Variants in MYH10 observed in about 807,000 individuals in gnomAD.
The protein encoded by MYH10 is myosin heavy chain 10, also known as myosin-10.
A neutral mutation model predicts 257.8 loss-of-function variants in MYH10; 55 were observed. That is an observed-to-expected ratio of 0.21 (90% CI 0.17 to 0.27). The LOEUF (loss-of-function observed/expected upper bound fraction) is 0.27. Ranked by LOEUF, MYH10 falls within the 10% of genes least tolerant of loss-of-function variation. The pLI, the probability that MYH10 is intolerant of heterozygous loss-of-function variation, is 1.00. For missense variants in MYH10, 1,631 were observed against 2,500.6 expected (o/e 0.65, Z 7.42); for synonymous variants, 854 against 921.7 (o/e 0.93, Z 1.33).
chr17:8,482,407 T>C (rs1006742634), intron 37 of MYH10, among the ~76,000 whole-genome samples: 1 of 152,190 alleles, frequency 6.6e-6, no homozygotes, highest in African/African-American at 2.4e-5. Flanking sequence ...TAGCACATCC[T>C]GGCACACAGG....
In MYH10 at chr17:8,607,069, G is replaced by A. The variant is rs143244470; in HGVS notation, c.346-2087C>T. On this transcript the variant is annotated intron_variant, in intron 2 of 42. Coordinates refer to ENST00000360416, the MANE Select transcript of MYH10 (RefSeq NM_001256012.3). ...CTTTATTAAGGCTGAGAAAAACAAA[G>A]GAGAGGCAACCTCAATACCTTTTTA... 5.4e-3 allele frequency among the ~76,000 whole-genome samples: 824 copies of A among 152,278 alleles called. 3 individuals are homozygous for A. The highest frequency in any genetic ancestry group is 6.6e-3 in the Non-Finnish European group (451 of 68,024).
chr17:8,535,450 C>T lies in MYH10; in HGVS notation c.1831G>A (p.Asp611Asn). The T allele has an allele frequency of 6.2e-7, 1 of 1,614,084 alleles. No individual in the cohort carries two copies. The highest frequency in any genetic ancestry group is 1.3e-5 in the African/African-American group (1 of 75,036). The change falls in exon 16 of 43, where the codon GAC becomes AAC. Residue 611 changes from aspartate (D) to asparagine (N), a missense_variant. Coordinates refer to ENST00000360416, the MANE Select transcript of MYH10 (RefSeq NM_001256012.3). This position sits in a 1 kb window ranked among gnomAD's most constrained non-coding sequence, Gnocchi z 4.3. ...WLMKNMDPLN[D>N]NVATLLHQSS... ...TGGTGCAAAAGGGTGGCCACGTTGT[C>T]ATTCAGGGGGTCCATATTCTTCATC...
rs146387994 is a variant in MYH10, at chr17:8,475,687, A to C, written c.*117T>G. The C allele has an allele frequency of 0.014, 17,265 of 1,256,946 alleles. 161 individuals carry two copies. The highest frequency in any genetic ancestry group is 0.017 in the Non-Finnish European group (15,230 of 893,808). The allele number at this position is 1,256,946 out of a possible 1,614,324, so 77.9% of individuals were successfully genotyped here. ...TATGCATAGGCTGGAGAGCCTTAAGACACAGTTGATCTTTCAGGAAGGAAT... is the reference window on the plus strand; with the variant it reads ...TATGCATAGGCTGGAGAGCCTTAAGCCACAGTTGATCTTTCAGGAAGGAAT... On this transcript the variant is annotated 3_prime_UTR_variant, in exon 43 of 43. Transcript: ENST00000360416.
At chr17:8,578,650 C>A (rs759289903) in intron 4 of MYH10, among the ~76,000 whole-genome samples, 9 of 152,156 alleles carry the variant, frequency 5.9e-5, no homozygotes, top group Non-Finnish European at 1.3e-4. Flanking sequence ...ACAAGCAAGG[C>A]TGGCACATTT....
intron 24 of MYH10, among the ~76,000 whole-genome samples, chr17:8,512,190 A>T (rs1269024872): frequency 6.6e-6 from 1 of 152,228 alleles, no homozygotes; most frequent in Non-Finnish European, 1.5e-5. Context: ...GAGGTTTGCG[A>T]CTGTGAATCT....
intron 14 of MYH10, among the ~76,000 whole-genome samples, chr17:8,541,236 T>C (rs1488380266): frequency 1.3e-5 from 2 of 152,186 alleles, no homozygotes; most frequent in Non-Finnish European, 2.9e-5. Context: ...AACCAGAGAT[T>C]GAGCAGCAAG....
intron 9 of MYH10, among the ~76,000 whole-genome samples, chr17:8,550,780 A>G (rs1323333429): frequency 6.6e-6 from 1 of 151,850 alleles, no homozygotes; most frequent in Non-Finnish European, 1.5e-5. Context: ...GAGACTTTTC[A>G]TTTTGTTCTG....
In MYH10 at chr17:8,487,612, G is replaced by C; in HGVS notation, c.4885-18C>G. On this transcript the variant is annotated intron_variant, in intron 35 of 42. Coordinates refer to ENST00000360416, the MANE Select transcript of MYH10 (RefSeq NM_001256012.3). The stretch of plus-strand genomic sequence containing the variant: ...TCCCGCACCTAATGGACAACATCGG[G>C]TTATGCTGGGTTACATCCAAGTATC... 6.2e-7 allele frequency: 1 copy of C among 1,613,830 alleles called. No homozygotes were observed. Among genetic ancestry groups the C allele is most frequent in the African/African-American group, 1.3e-5 (1 of 75,034 alleles).
chr17:8,601,429 G>A (rs1005194123), intron 3 of MYH10, among the ~76,000 whole-genome samples: 13 of 152,202 alleles, frequency 8.5e-5, no homozygotes, highest in Admixed American at 7.2e-4. Context: ...TATGCAAGAT[G>A]AAGCGTATCT....
chr17:8,522,220 A>G lies in MYH10; in HGVS notation c.1958-935T>C, dbSNP rs564309991. Among the ~76,000 whole-genome samples, 4 of 152,322 alleles carry G rather than the reference A, an allele frequency of 2.6e-5. No homozygotes were observed. In the East Asian group the frequency reaches 7.7e-4, roughly 29 times the overall value. On this transcript the variant is annotated intron_variant, in intron 17 of 42. Transcript: ENST00000360416. ...CCTCCTCAACCCTAATGGACACCTC[A>G]TTTCTTTCATTTGTTTCCTTTGACA...
chr17:8,592,933 CTATATATATATATATATATATATATATA>C (rs71159601), intron 3 of MYH10, among the ~76,000 whole-genome samples: 1 of 44,712 alleles, frequency 2.2e-5, no homozygotes, highest in South Asian at 1.2e-3. Flanking sequence ...TCAAATCCAG[CTATATATATATATATATATATATATATA>C]TATATATATA....
intron 28 of MYH10, among the ~76,000 whole-genome samples, chr17:8,502,888 G>A (rs1360405626): frequency 1.3e-5 from 2 of 152,332 alleles, no homozygotes; most frequent in East Asian, 1.9e-4. Flanking sequence ...TGGGAGTGGA[G>A]AGTTCAGCCA....
At chr17:8,515,783 A>AT (rs1186073652) in intron 21 of MYH10, among the ~76,000 whole-genome samples, 1 of 151,946 alleles carries the variant, frequency 6.6e-6, no homozygotes, top group African/African-American at 2.4e-5. Context: ...ACCTCAAGTG[A>AT]TCCCCCCGCC....
chr17:8,606,983 G>A (rs1441154023), intron 2 of MYH10, among the ~76,000 whole-genome samples: 2 of 152,136 alleles, frequency 1.3e-5, no homozygotes, highest in African/African-American at 4.8e-5. Context: ...TGTCTATCTA[G>A]TCCCGTATTT....
In MYH10 at chr17:8,474,930, G is replaced by A. The variant is rs1912256050; in HGVS notation, c.*874C>T. 1 of 152,692 alleles carries A rather than the reference G, an allele frequency of 6.5e-6. No homozygotes were observed. The highest frequency in any genetic ancestry group is 1.5e-5 in the Non-Finnish European group (1 of 68,082). 9.5% of individuals were successfully genotyped at this position (152,692 alleles called of 1,614,324 possible). A position where few individuals can be genotyped will look rare whatever the true frequency, so the allele number is the denominator to read the frequency against. On this transcript the variant is annotated 3_prime_UTR_variant, in exon 43 of 43. Coordinates refer to ENST00000360416, the MANE Select transcript of MYH10 (RefSeq NM_001256012.3). ...GCGGCTGAATTTGCAAGGTCAGCAT[G>A]AGGGCCCGGCTGGCGATGGGGAGGG...
Position 8,490,299 on chromosome 17 carries a change from G to A in MYH10, c.4884+41C>T, listed in dbSNP as rs369997375. The A allele has an allele frequency of 1.5e-4, 233 of 1,589,080 alleles. No individual in the cohort carries two copies. The African/African-American group carries it at 2.8e-3, about 19-fold the overall frequency. ...ACTGACCCAGAGCTGGGCTTTGAGA[G>A]CCTGCACCCCTTGTTGTGGAGGCCG... On this transcript the variant is annotated intron_variant, in intron 35 of 42. Coordinates refer to ENST00000360416, the MANE Select transcript of MYH10 (RefSeq NM_001256012.3). The surrounding 1 kb of genome is among the most constrained non-coding windows in gnomAD (Gnocchi z 4.1).
intron 1 of MYH10, among the ~76,000 whole-genome samples, chr17:8,629,136 AAAC>A (rs370898589): frequency 7.9e-5 from 12 of 152,342 alleles, no homozygotes; most frequent in African/African-American, 2.9e-4. Context: ...GAAGGAGATA[AAAC>A]AATAAATAGA....
intron 31 of MYH10, 77 bp downstream of exon 31, chr17:8,495,060 G>T: frequency 1.1e-6 from 1 of 887,564 alleles, no homozygotes. Context: ...GGCAATTCTG[G>T]GGCCAGCATA....
At chr17:8,493,430 T>C (rs889019030) in intron 32 of MYH10, among the ~76,000 whole-genome samples, 2 of 151,582 alleles carry the variant, frequency 1.3e-5, no homozygotes. Context: ...AGAAGAAAAA[T>C]CAATACTGTG....
Sources: gnomAD v4.1 joint callset for allele counts (sites outside exome capture counted in the v4.1 genomes callset) on GRCh38, gnomAD v4.1.1 for gene constraint, Gnocchi (gnomAD v3.1) non-coding constraint, MANE v1.5 for transcripts, NCBI Gene and HGNC (gene_info 2026-07-23, HGNC 2026-07-21) for gene names.